Variants in PCBD2 observed in about 807,000 individuals in gnomAD.
PCBD2 encodes the protein pterin-4-alpha-carbinolamine dehydratase 2.
Under a neutral mutation model 16.4 loss-of-function variants are expected in PCBD2, and 12 were observed. That is an observed-to-expected ratio of 0.73 (90% CI 0.47 to 1.19). The LOEUF (loss-of-function observed/expected upper bound fraction) is 1.19. PCBD2 is among the 50% of genes most tolerant of loss of function. PCBD2 has a pLI of 0.00. For synonymous variants in PCBD2, 58 were observed against 61.8 expected, an observed-to-expected ratio of 0.94 and a Z score of 0.29; for missense variants, 138 against 156.8, an observed-to-expected ratio of 0.88 and a Z score of 0.64.
chr5:134,934,115 G>A (rs185826937), intron 2 of PCBD2, among the ~76,000 whole-genome samples: 1 of 152,206 alleles, frequency 6.6e-6, no homozygotes. Flanking sequence ...TTCAGGAAGG[G>A]TTTCCTGAAA....
intron 2 of PCBD2, chr5:134,925,654 T>G (rs2149533389): frequency 2.5e-6 from 1 of 397,530 alleles, no homozygotes; most frequent in Non-Finnish European, 4.4e-6. Flanking sequence ...TAGTGGGTTA[T>G]TCTCTGCTAG....
In PCBD2 at chr5:134,906,194, A is replaced by ATTTTTTTTTTTTTTTTTT. The variant is rs1158334317; in HGVS notation, c.84+981_84+998dup. On this transcript the variant is annotated intron_variant, in intron 1 of 3. Coordinates refer to ENST00000254908, the MANE Select transcript of PCBD2 (RefSeq NM_032151.5). Reference sequence around the variant, plus strand: ...TGGCCTGAAATTCTTTAATAGAAGAATTTTTTTTTTTTTTTTTTTTTTTTT... The same window carrying ATTTTTTTTTTTTTTTTTT: ...TGGCCTGAAATTCTTTAATAGAAGAATTTTTTTTTTTTTTTTTTTTTTTTTTTTTTTTTTTTTTTTTTT... Among the ~76,000 whole-genome samples, 18 of 66,522 alleles carry ATTTTTTTTTTTTTTTTTT rather than the reference A, an allele frequency of 2.7e-4. 3 individuals carry two copies. The highest frequency in any genetic ancestry group is 1.2e-3 in the African/African-American group (18 of 14,662). 43.6% of individuals were successfully genotyped at this position (66,522 alleles called of 152,430 possible).
intron 2 of PCBD2, among the ~76,000 whole-genome samples, chr5:134,919,183 C>T (rs1320113228): frequency 6.6e-6 from 1 of 152,166 alleles, no homozygotes; most frequent in Non-Finnish European, 1.5e-5. Context: ...GTATAATTTC[C>T]TCAACAGTCT....
At chr5:134,919,601 A>T (rs1422244662) in intron 2 of PCBD2, among the ~76,000 whole-genome samples, 1 of 152,212 alleles carries the variant, frequency 6.6e-6, no homozygotes, top group Non-Finnish European at 1.5e-5. Context: ...GGTTGCTTTA[A>T]ATTTAACTGA....
intron 2 of PCBD2, among the ~76,000 whole-genome samples, chr5:134,951,453 A>C (rs1561914866): frequency 6.6e-6 from 1 of 152,136 alleles, no homozygotes; most frequent in Non-Finnish European, 1.5e-5. Context: ...TTTCAAGTCT[A>C]TAGCTATTAC....
intron 2 of PCBD2, among the ~76,000 whole-genome samples, chr5:134,952,542 A>T (rs1206173676): frequency 6.6e-6 from 1 of 152,192 alleles, no homozygotes; most frequent in Admixed American, 6.6e-5. Flanking sequence ...GCATGCCTGT[A>T]ATCCTGCCAC....
intron 2 of PCBD2, among the ~76,000 whole-genome samples, chr5:134,931,517 A>G (rs773770488): frequency 3.3e-5 from 5 of 152,178 alleles, no homozygotes; most frequent in Non-Finnish European, 7.3e-5. Context: ...GCTTCCCAGA[A>G]GCCTCCTAAG....
intron 2 of PCBD2, among the ~76,000 whole-genome samples, chr5:134,921,369 C>T (rs1165429911): frequency 2.0e-5 from 3 of 152,022 alleles, no homozygotes; most frequent in African/African-American, 7.2e-5. Context: ...TGGCTGCTGC[C>T]TGGAGAAGGG....
At chr5:134,934,482 G>A (rs560395401) in intron 2 of PCBD2, among the ~76,000 whole-genome samples, 2 of 152,252 alleles carry the variant, frequency 1.3e-5, no homozygotes, top group African/African-American at 4.8e-5. Flanking sequence ...CTCTTTTCAA[G>A]TCTTAGTGCA....
chr5:134,946,057 TTAAAA>T, intron 2 of PCBD2, among the ~76,000 whole-genome samples: 1 of 151,146 alleles, frequency 6.6e-6, no homozygotes, highest in East Asian at 1.9e-4. Flanking sequence ...TAACAAATAA[TTAAAA>T]TTATTATTAA....
chr5:134,922,651 A>G (rs1280885931), intron 2 of PCBD2, among the ~76,000 whole-genome samples: 2 of 151,888 alleles, frequency 1.3e-5, no homozygotes, highest in Non-Finnish European at 2.9e-5. Flanking sequence ...GCTAAGTGCC[A>G]GGAAGGAAAA....
intron 2 of PCBD2, among the ~76,000 whole-genome samples, chr5:134,922,220 G>C (rs1163391781): frequency 6.6e-6 from 1 of 152,022 alleles, no homozygotes; most frequent in Non-Finnish European, 1.5e-5. Context: ...GTTTTGTTTT[G>C]TTTTTAGAGA....
At chr5:134,907,474 C>T (rs1427745410) in intron 1 of PCBD2, among the ~76,000 whole-genome samples, 1 of 152,048 alleles carries the variant, frequency 6.6e-6, no homozygotes, top group Non-Finnish European at 1.5e-5. Flanking sequence ...AACTCCTGAC[C>T]TTGTGATCTG....
chr5:134,954,074 C>T (rs1314948158), intron 2 of PCBD2, among the ~76,000 whole-genome samples: 1 of 152,148 alleles, frequency 6.6e-6, no homozygotes, highest in Non-Finnish European at 1.5e-5. Flanking sequence ...CCCCCAACCT[C>T]AACCTCCTGA....
At chr5:134,932,514 G>C (rs1751110776) in intron 2 of PCBD2, among the ~76,000 whole-genome samples, 1 of 152,074 alleles carries the variant, frequency 6.6e-6, no homozygotes. Flanking sequence ...GCTAATTTTT[G>C]TATTTTTAGT....
chr5:134,910,250 A>G, intron 1 of PCBD2, 85 bp from the exon 2 acceptor site: 4 of 1,423,938 alleles, frequency 2.8e-6, no homozygotes, highest in Non-Finnish European at 2.9e-6. Flanking sequence ...AGACTTTTCT[A>G]CATCTCTGCT....
chr5:134,935,585 T>C (rs1751150317), intron 2 of PCBD2, among the ~76,000 whole-genome samples: 1 of 152,246 alleles, frequency 6.6e-6, no homozygotes, highest in Non-Finnish European at 1.5e-5. Context: ...AAGAATTGAA[T>C]GATGAATTTC....
At chr5:134,912,959 A>G (rs1750785860) in intron 2 of PCBD2, among the ~76,000 whole-genome samples, 2 of 152,258 alleles carry the variant, frequency 1.3e-5, no homozygotes, top group African/African-American at 4.8e-5. Flanking sequence ...TTAAAATAGG[A>G]TGGTGTAAGT....
intron 2 of PCBD2, 114 bp downstream of exon 2, chr5:134,910,580 C>A: frequency 7.8e-7 from 1 of 1,277,464 alleles, no homozygotes; most frequent in South Asian, 1.5e-5. Context: ...TTCAACTCTT[C>A]CCTTCTTTAA....
Sources: allele counts gnomAD v4.1 joint callset (sites outside exome capture counted in the v4.1 genomes callset), GRCh38; gene constraint gnomAD v4.1.1; transcripts MANE v1.5; gene names NCBI Gene and HGNC (gene_info 2026-07-23, HGNC 2026-07-21).